Variants in HYOU1 observed in about 807,000 individuals in gnomAD.
HYOU1 encodes hypoxia up-regulated protein 1.
A neutral mutation model predicts 120.5 loss-of-function variants in HYOU1; 40 were observed. That is an observed-to-expected ratio of 0.33 (90% CI 0.26 to 0.43). The LOEUF (loss-of-function observed/expected upper bound fraction) is 0.43. Among genes scored for constraint, HYOU1 ranks in the 20% least tolerant of loss-of-function variants. The pLI, the probability that HYOU1 is intolerant of heterozygous loss-of-function variation, is 1.00. For synonymous variants in HYOU1, 501 were observed against 479.4 expected (o/e 1.05, Z -0.59); for missense variants, 1,085 against 1,278.3 (o/e 0.85, Z 2.31).
In HYOU1 at chr11:119,054,110, T is replaced by A. The variant is rs2133602813; in HGVS notation, c.794+11A>T. 1 of 1,568,236 alleles carries A rather than the reference T, an allele frequency of 6.4e-7. No individual in the cohort carries two copies. The highest frequency in any genetic ancestry group is 1.4e-5 in the African/African-American group (1 of 73,950). ...TTCACAAGCAGCCCTCCCTGCCAAG[T>A]ATCCACTTACCCTACTCCCCGGATC... On this transcript the variant is annotated intron_variant, in intron 8 of 25. Transcript: ENST00000617285.
rs2133593712 is a variant in HYOU1 at position 119,052,557 on chromosome 11, C to T, written c.987+80G>A. The stretch of plus-strand genomic sequence containing the variant: ...GGAGGAGCATGGGCCATGCCAGGCA[C>T]GAGCAGCCCAGTTCAGTGGCAGGGT... On this transcript the variant is annotated intron_variant, in intron 9 of 25. Transcript: ENST00000617285. This position sits in a 1 kb window ranked among gnomAD's most constrained non-coding sequence, Gnocchi z 5.0. The T allele has an allele frequency of 0.04, 63,348 of 1,568,926 alleles. 1,432 individuals are homozygous for T. The highest frequency in any genetic ancestry group is 0.064 in the Admixed American group (3,661 of 57,254).
chr11:119,054,892 T>C, intron 6 of HYOU1, 92 bp downstream of exon 6: 1 of 1,345,064 alleles, frequency 7.4e-7, no homozygotes, highest in Non-Finnish European at 1.0e-6. Context: ...TGTTGCTAAA[T>C]GTTCCCTGGG....
At chr11:119,049,898 C>G in intron 14 of HYOU1, 61 bp from the exon 15 acceptor site, 1 of 1,476,936 alleles carries the variant, frequency 6.8e-7, no homozygotes. Context: ...CCACAAACAT[C>G]TGCCAAAGTG....
At chr11:119,054,733 AATCT>A in intron 6 of HYOU1, 58 bp from the exon 7 acceptor site, 1 of 1,524,408 alleles carries the variant, frequency 6.6e-7, no homozygotes, top group African/African-American at 1.4e-5. Flanking sequence ...GAGGGCTTCT[AATCT>A]GGTCACTAAT....
At chr11:119,047,873 G>C in intron 21 of HYOU1, 55 bp from the exon 22 acceptor site, 1 of 1,613,004 alleles carries the variant, frequency 6.2e-7, no homozygotes, top group Non-Finnish European at 8.5e-7. Context: ...CTGGAGTGTG[G>C]GGAGTGGGAA....
Position 119,044,997 on chromosome 11 carries a change from C to T in HYOU1, c.*596G>A. ...CTTTTAGGCAAGGGGCAGAGAACTG[C>T]CCAATTTGCTGCAGGAAGCCAAGGA... is the stretch of plus-strand genomic sequence containing the variant. On this transcript the variant is annotated 3_prime_UTR_variant, in exon 26 of 26. Transcript: ENST00000617285. The T allele has an allele frequency of 2.4e-6, 1 of 420,354 alleles. No homozygotes were observed. The highest frequency in any genetic ancestry group is 1.6e-5 in the South Asian group (1 of 62,472). The allele number at this position is 420,354 out of a possible 1,614,324, so 26.0% of individuals were successfully genotyped here.
At chr11:119,046,126 C>CT (rs2133547523) in intron 24 of HYOU1, among the ~76,000 whole-genome samples, 4 of 151,704 alleles carry the variant, frequency 2.6e-5, no homozygotes, top group East Asian at 1.9e-4. Context: ...ACGCCTGACT[C>CT]TTTTTTTTGG....
In HYOU1 at chr11:119,051,544, C is replaced by A; in HGVS notation, c.1420G>T (p.Gly474Trp). 2.5e-6 allele frequency: 4 copies of A among 1,614,108 alleles called. No individual in the cohort carries two copies. Among genetic ancestry groups the A allele is most frequent in the Non-Finnish European group, 3.4e-6 (4 of 1,180,030 alleles). ...ATGACTTTGCGTTGAGGGTAGGGCC[C>A]CATCCGAGAGAAGAGTACCCGTTTA... Reference protein sequence around the residue: ...HNKRVLFSRMGPYPQRKVITF... With the variant: ...HNKRVLFSRMWPYPQRKVITF... The change falls in exon 13 of 26, where the codon GGG becomes TGG. Residue 474 changes from glycine (G) to tryptophan (W), a missense_variant. Gly to Trp is a radical substitution (Grantham distance 184). Transcript: ENST00000617285. This position sits in a 1 kb window ranked among gnomAD's most constrained non-coding sequence, Gnocchi z 4.2.
rs1377041191 is a variant in HYOU1, at chr11:119,049,796, T to C, written c.1707A>G (p.Glu569=). The part of the protein sequence containing the change: ...VFETLVEDSA[E]EESTLTKLGN... ...TCTTACTGGTGAGAGTAGATTCCTC[T>C]TCTGCGCTGTCCTCTACCAGTGTCT... The change falls in exon 15 of 26, where the codon GAA becomes GAG. Residue 569 remains glutamate (E), a synonymous_variant. Transcript: ENST00000617285. 4.3e-6 allele frequency: 7 copies of C among 1,614,014 alleles called. No individual in the cohort carries two copies. Among genetic ancestry groups the C allele is most frequent in the Admixed American group, 1.7e-5 (1 of 60,002 alleles).
chr11:119,048,212 C>T lies in HYOU1; in HGVS notation c.2376+36G>A. On this transcript the variant is annotated intron_variant, in intron 20 of 25. Transcript: ENST00000617285. This position sits in a 1 kb window ranked among gnomAD's most constrained non-coding sequence, Gnocchi z 4.7. ...TGACCCTGGGAGAGGAAGGAGAGCTCCCACTCCACCTGCCATGTCCTGAGA... is the reference window on the plus strand; with the variant it reads ...TGACCCTGGGAGAGGAAGGAGAGCTTCCACTCCACCTGCCATGTCCTGAGA... The T allele has an allele frequency of 1.2e-6, 2 of 1,606,512 alleles. No individual in the cohort carries two copies. Among genetic ancestry groups the T allele is most frequent in the Non-Finnish European group, 8.5e-7 (1 of 1,177,064 alleles).
intron 8 of HYOU1, chr11:119,053,820 T>A: frequency 3.8e-6 from 1 of 262,682 alleles, no homozygotes; most frequent in Non-Finnish European, 7.2e-6. Flanking sequence ...ATTATTTAAC[T>A]GGAAATGACA....
At position 119,052,984 on chromosome 11, in the gene HYOU1, ACT is replaced by A. The variant is rs2133597031; in HGVS notation, c.795-157_795-156del. On this transcript the variant is annotated intron_variant, in intron 8 of 25. Coordinates refer to ENST00000617285, the MANE Select transcript of HYOU1 (RefSeq NM_006389.5). This position sits in a 1 kb window ranked among gnomAD's most constrained non-coding sequence, Gnocchi z 5.0. ...TGTGTGGACACACACTCTGCCCTCA[ACT>A]CTCTACAGCACAGCTGACACCTCGC... The A allele has an allele frequency of 3.8e-5, 25 of 658,994 alleles. No individual in the cohort carries two copies. The highest frequency in any genetic ancestry group is 5.9e-5 in the Non-Finnish European group (23 of 392,542). The allele number at this position is 658,994 out of a possible 1,614,324, so 40.8% of individuals were successfully genotyped here.
Position 119,054,491 on chromosome 11 carries a change from C to T in HYOU1, c.678+3G>A. 1 of 1,614,006 alleles carries T rather than the reference C, an allele frequency of 6.2e-7. No homozygotes were observed. The stretch of plus-strand genomic sequence containing the variant: ...ATGTCTGGTCAAGGCTCCCCTGGCT[C>T]ACCTGGGCAGTGGTGTTAATATCTT... On this transcript the variant is annotated splice_donor_region_variant and intron_variant, in intron 7 of 25. Transcript: ENST00000617285.
In HYOU1 at chr11:119,049,600, C is replaced by G; in HGVS notation, c.1762G>C (p.Gly588Arg). The part of the protein sequence containing the change: ...GNTISSLFGG[G>R]TTPDAKENGT... ...TTCTCCTTGGCATCTGGTGTGGTAC[C>G]GCCTCCAAACAGGCTGGAAATGGTG... The change falls in exon 16 of 26, where the codon GGT becomes CGT. Residue 588 changes from glycine (G) to arginine (R), a missense_variant. Gly to Arg is a moderately radical substitution (Grantham distance 125). This residue lies in a region of HYOU1 where 516 missense variants were observed against 517.1 expected (regional missense o/e 1.00). Coordinates refer to ENST00000617285, the MANE Select transcript of HYOU1 (RefSeq NM_006389.5). 6.2e-7 allele frequency: 1 copy of G among 1,614,094 alleles called. No individual in the cohort carries two copies. Among genetic ancestry groups the G allele is most frequent in the Non-Finnish European group, 8.5e-7 (1 of 1,180,020 alleles).
intron 8 of HYOU1, 89 bp downstream of exon 8, chr11:119,054,032 A>G: frequency 1.3e-6 from 1 of 771,472 alleles, no homozygotes; most frequent in Non-Finnish European, 2.2e-6. Flanking sequence ...TGCAGCATGC[A>G]GGAAAGCAAA....
chr11:119,051,927 A>G lies in HYOU1; in HGVS notation c.1230T>C (p.Asn410=). 1 of 1,614,168 alleles carries G rather than the reference A, an allele frequency of 6.2e-7. No individual in the cohort carries two copies. Among genetic ancestry groups the G allele is most frequent in the Non-Finnish European group, 8.5e-7 (1 of 1,180,016 alleles). ...VGKEELGKNI[N]ADEAAAMGAV... ...CCCCCATGGCGGCTGCTTCATCTGC[A>G]TTGATGTTCTTCCCCAGCTCCTCCC... Residue 410 remains asparagine (N), a synonymous_variant, in exon 12 of 26, where the codon AAT becomes AAC. Transcript: ENST00000617285. This position sits in a 1 kb window ranked among gnomAD's most constrained non-coding sequence, Gnocchi z 4.2.
chr11:119,055,918 C>T lies in HYOU1; in HGVS notation c.92-75G>A, dbSNP rs888636892. ...TGGGACTCCCTCTAATCAAAGCATACCACTTTCCATGGGTAAACGAAGATG... is the reference window on the plus strand; with the variant it reads ...TGGGACTCCCTCTAATCAAAGCATATCACTTTCCATGGGTAAACGAAGATG... On this transcript the variant is annotated intron_variant, in intron 2 of 25. Coordinates refer to ENST00000617285, the MANE Select transcript of HYOU1 (RefSeq NM_006389.5). This position sits in a 1 kb window ranked among gnomAD's most constrained non-coding sequence, Gnocchi z 4.0. The T allele has an allele frequency of 7.0e-7, 1 of 1,427,364 alleles. No individual in the cohort carries two copies. Among genetic ancestry groups the T allele is most frequent in the Non-Finnish European group, 9.9e-7 (1 of 1,010,648 alleles). The allele number at this position is 1,427,364 out of a possible 1,614,324, so 88.4% of individuals were successfully genotyped here.
Position 119,047,715 on chromosome 11 carries a change from G to A in HYOU1, c.2595+19C>T, listed in dbSNP as rs2133557773. ...GGATGGCAGCTAAGTATCTGGTTAA[G>A]TATTTACGAAGTGATTACCCAGGTC... is the stretch of plus-strand genomic sequence containing the variant. On this transcript the variant is annotated intron_variant, in intron 22 of 25. Transcript: ENST00000617285. 1.9e-6 allele frequency: 3 copies of A among 1,591,720 alleles called. No individual in the cohort carries two copies. Among genetic ancestry groups the A allele is most frequent in the East Asian group, 2.2e-5 (1 of 44,776 alleles).
At position 119,048,215 on chromosome 11, in the gene HYOU1, A is replaced by T. The variant is rs1453999204; in HGVS notation, c.2376+33T>A. On this transcript the variant is annotated intron_variant, in intron 20 of 25. Transcript: ENST00000617285. The surrounding 1 kb of genome is among the most constrained non-coding windows in gnomAD (Gnocchi z 4.7). ...CCCTGGGAGAGGAAGGAGAGCTCCC[A>T]CTCCACCTGCCATGTCCTGAGAGGC... 6.2e-7 allele frequency: 1 copy of T among 1,605,924 alleles called. No homozygotes were observed. Among genetic ancestry groups the T allele is most frequent in the African/African-American group, 1.3e-5 (1 of 74,796 alleles).
Sources: allele counts gnomAD v4.1 joint callset (sites outside exome capture counted in the v4.1 genomes callset), GRCh38; gene constraint gnomAD v4.1.1; regional missense constraint gnomAD v4.1.1; non-coding constraint Gnocchi (gnomAD v3.1); transcripts MANE v1.5; gene names NCBI Gene and HGNC (gene_info 2026-07-23, HGNC 2026-07-21).